DIAPH2: variants seen among roughly 807,000 people sequenced by gnomAD.
DIAPH2 encodes diaphanous related formin 2.
A neutral mutation model predicts 92.7 loss-of-function variants in DIAPH2; 35 were observed. The ratio of observed to expected loss-of-function variants is 0.38; its 90% CI spans 0.29 to 0.50. The LOEUF is 0.50. DIAPH2 is among the 20% of genes least tolerant of loss of function. The pLI, the probability that DIAPH2 is intolerant of heterozygous loss-of-function variation, is 0.94. For synonymous variants in DIAPH2, 301 were observed against 280.4 expected, an observed-to-expected ratio of 1.07 and a Z score of -0.73; for missense variants, 701 against 819.5, an observed-to-expected ratio of 0.86 and a Z score of 1.77.
intron 25 of DIAPH2, among the ~76,000 whole-genome samples, chrX:97,426,878 G>T (rs1263909318): frequency 9.0e-6 from 1 of 111,112 alleles, no homozygotes; most frequent in African/African-American, 3.3e-5. Flanking sequence ...TTTACTTAAT[G>T]TACTAAAAAT....
chrX:97,483,532 G>T (rs180719125), intron 26 of DIAPH2, among the ~76,000 whole-genome samples: 13 of 112,259 alleles, frequency 1.2e-4, no homozygotes, highest in African/African-American at 3.5e-4. Context: ...AGACATAGCT[G>T]TCAAAACACA....
chrX:96,825,863 T>G (rs981257380), intron 4 of DIAPH2, among the ~76,000 whole-genome samples: 16 of 111,286 alleles, frequency 1.4e-4, no homozygotes, highest in African/African-American at 4.6e-4. Flanking sequence ...AGTAGTTTCC[T>G]GAATCTTCAC....
chrX:97,346,627 G>A (rs1408762125), intron 23 of DIAPH2, among the ~76,000 whole-genome samples: 1 of 111,875 alleles, frequency 8.9e-6, no homozygotes, highest in African/African-American at 3.2e-5. Context: ...AAAAGAAATA[G>A]GGAAACTTGT....
At chrX:97,274,949 C>G (rs369788399) in intron 23 of DIAPH2, among the ~76,000 whole-genome samples, 2 of 111,040 alleles carry the variant, frequency 1.8e-5, no homozygotes, top group East Asian at 5.7e-4. Context: ...CAGAGAGCAC[C>G]GGGTTGGGGG....
chrX:97,241,533 C>G (rs770500304), intron 22 of DIAPH2, among the ~76,000 whole-genome samples: 11 of 109,568 alleles, frequency 1.0e-4, no homozygotes, highest in African/African-American at 3.7e-4. Context: ...CTCCTGACCT[C>G]GTGATCCGAC....
At chrX:97,300,617 TAAAAAAAA>T (rs11325055) in intron 23 of DIAPH2, among the ~76,000 whole-genome samples, 1 of 88,552 alleles carries the variant, frequency 1.1e-5, no homozygotes, top group Non-Finnish European at 2.2e-5. Context: ...AAAGCTTATT[TAAAAAAAA>T]AAAAAAAAAC....
At chrX:97,575,129 G>T (rs1399517026) in intron 26 of DIAPH2, among the ~76,000 whole-genome samples, 1 of 112,984 alleles carries the variant, frequency 8.9e-6, no homozygotes, top group Non-Finnish European at 1.9e-5. Flanking sequence ...TATTAGGGCT[G>T]CTGTGACAAA....
rs1195929434 is a variant in DIAPH2, at chrX:97,422,282, ATC to A, written c.3146-7366_3146-7365del. Among the ~76,000 whole-genome samples, 9 of 110,489 alleles carry A rather than the reference ATC, an allele frequency of 8.1e-5. 1 individual carries two copies. The highest frequency in any genetic ancestry group is 7.8e-4 in the Admixed American group (8 of 10,309). On this transcript the variant is annotated intron_variant, in intron 25 of 26. Transcript: ENST00000324765. ...ATTTTATTATCTGTGAACCAGTATG[ATC>A]TGTTTTTTTTTTAAATCTGTTTTTG... is the stretch of plus-strand genomic sequence containing the variant.
At chrX:96,962,274 C>CAT (rs201794178) in intron 16 of DIAPH2, among the ~76,000 whole-genome samples, 7 of 72,026 alleles carry the variant, frequency 9.7e-5, no homozygotes, top group East Asian at 7.5e-4. Flanking sequence ...TATATATATA[C>CAT]ATATATATAT....
intron 25 of DIAPH2, among the ~76,000 whole-genome samples, chrX:97,416,826 T>A (rs1279183940): frequency 8.9e-6 from 1 of 112,284 alleles, no homozygotes; most frequent in Non-Finnish European, 1.9e-5. Context: ...ATCAAAAGGG[T>A]TATAGCAGTA....
At chrX:96,887,718 G>A (rs1441970435) in intron 5 of DIAPH2, among the ~76,000 whole-genome samples, 1 of 110,930 alleles carries the variant, frequency 9.0e-6, no homozygotes, top group African/African-American at 3.3e-5. Flanking sequence ...TTCAATTTCT[G>A]TTTACTTTTT....
chrX:97,551,021 G>A (rs1180894073), intron 26 of DIAPH2, among the ~76,000 whole-genome samples: 1 of 94,833 alleles, frequency 1.1e-5, no homozygotes, highest in Non-Finnish European at 2.2e-5. Context: ...TAATGCTTAA[G>A]TATGTTTTTA....
At chrX:97,240,605 C>CAAAAAAAAAAAAAAAAAAAAAA (rs774748522) in intron 22 of DIAPH2, among the ~76,000 whole-genome samples, 1 of 67,964 alleles carries the variant, frequency 1.5e-5, no homozygotes, top group African/African-American at 5.8e-5. Context: ...GACTGCATCT[C>CAAAAAAAAAAAAAAAAAAAAAA]AAAAAAAAAA....
intron 17 of DIAPH2, among the ~76,000 whole-genome samples, chrX:96,988,253 A>G: frequency 9.1e-6 from 1 of 110,186 alleles, no homozygotes; most frequent in Non-Finnish European, 1.9e-5. Context: ...TTCAGATAGT[A>G]TTGGTGCTCT....
intron 5 of DIAPH2, among the ~76,000 whole-genome samples, chrX:96,910,160 T>G (rs1343376601): frequency 9.0e-6 from 1 of 111,155 alleles, no homozygotes; most frequent in Admixed American, 9.6e-5. Flanking sequence ...TTACATATTA[T>G]TTAAGTATAT....
chrX:97,097,460 C>A (rs1427112954), intron 19 of DIAPH2, among the ~76,000 whole-genome samples: 1 of 111,801 alleles, frequency 8.9e-6, no homozygotes, highest in Non-Finnish European at 1.9e-5. Context: ...TTTCATACAG[C>A]TGAATAGAGA....
intron 1 of DIAPH2, among the ~76,000 whole-genome samples, chrX:96,726,387 A>G (rs189551827): frequency 8.9e-6 from 1 of 112,089 alleles, no homozygotes; most frequent in East Asian, 2.8e-4. Context: ...TATTGCACAG[A>G]AGACTGATAT....
intron 20 of DIAPH2, 126 bp from the exon 21 acceptor site, chrX:97,114,600 A>T: frequency 3.1e-6 from 2 of 638,347 alleles, no homozygotes; most frequent in Non-Finnish European, 4.3e-6. Context: ...AAAGATTTTT[A>T]AAATCCCAGA....
chrX:97,135,613 C>A (rs1258463767), intron 21 of DIAPH2, among the ~76,000 whole-genome samples: 1 of 111,373 alleles, frequency 9.0e-6, no homozygotes, highest in Non-Finnish European at 1.9e-5. Flanking sequence ...TCACCCATGA[C>A]AGTTCAATCC....
Sources: allele counts gnomAD v4.1 joint callset (sites outside exome capture counted in the v4.1 genomes callset), GRCh38; gene constraint gnomAD v4.1.1; transcripts MANE v1.5; gene names NCBI Gene and HGNC (gene_info 2026-07-23, HGNC 2026-07-21).